The following HS6ST3 variants were observed in gnomAD, a reference collection of about 807,000 sequenced individuals.
HS6ST3 encodes the protein heparan sulfate 6-O-sulfotransferase 3.
Under a neutral mutation model 36.7 loss-of-function variants are expected in HS6ST3, and 12 were observed. The ratio of observed to expected loss-of-function variants is 0.33; its 90% CI spans 0.21 to 0.53. The LOEUF (loss-of-function observed/expected upper bound fraction) is 0.53, where lower values mean the gene tolerates loss of function less well. Among genes scored for constraint, HS6ST3 ranks in the 20% least tolerant of loss-of-function variants. HS6ST3 has a pLI of 0.95. For missense variants in HS6ST3, 584 were observed against 640.9 expected (o/e 0.91, Z 0.96); for synonymous variants, 240 against 257.5 (o/e 0.93, Z 0.65).
chr13:96,664,508 A>G (rs1044600689), intron 1 of HS6ST3, among the ~76,000 whole-genome samples: 53 of 152,132 alleles, frequency 3.5e-4, no homozygotes, highest in African/African-American at 1.3e-3. Context: ...CTGAATATTA[A>G]TGCTTCCTGG....
intron 1 of HS6ST3, among the ~76,000 whole-genome samples, chr13:96,655,586 A>T (rs925955165): frequency 6.6e-6 from 1 of 152,070 alleles, no homozygotes; most frequent in African/African-American, 2.4e-5. Flanking sequence ...GAAGCCTCTG[A>T]TATATCTATA....
At chr13:96,757,149 A>G (rs2138496964) in intron 1 of HS6ST3, among the ~76,000 whole-genome samples, 1 of 152,350 alleles carries the variant, frequency 6.6e-6, no homozygotes, top group Middle Eastern at 3.4e-3. Context: ...AGCAATGAAA[A>G]GAAACACTCC....
chr13:96,342,492 C>T (rs181915869), intron 1 of HS6ST3, among the ~76,000 whole-genome samples: 22 of 152,250 alleles, frequency 1.4e-4, no homozygotes, highest in Non-Finnish European at 2.6e-4. Context: ...AACATTCTGT[C>T]GCACATTTGT....
chr13:96,814,783 G>A (rs1357867877), intron 1 of HS6ST3, among the ~76,000 whole-genome samples: 2 of 151,854 alleles, frequency 1.3e-5, no homozygotes, highest in African/African-American at 4.8e-5. Context: ...TTTCAGGCTT[G>A]TCATATATGA....
At position 96,148,328 on chromosome 13, in the gene HS6ST3, A is replaced by T. The variant is rs768014432; in HGVS notation, c.707+56759A>T. ...CATATTGGACAAAGCTATATATTCA[A>T]TGAGAGATTAAATATATCTCACAGT... On this transcript the variant is annotated intron_variant, in intron 1 of 1. Transcript: ENST00000376705. Among the ~76,000 whole-genome samples, 4 of 152,210 alleles carry T rather than the reference A, an allele frequency of 2.6e-5. No homozygotes were observed. The South Asian group carries it at 8.3e-4, about 32-fold the overall frequency.
intron 1 of HS6ST3, among the ~76,000 whole-genome samples, chr13:96,679,101 G>A (rs563415153): frequency 4.0e-5 from 6 of 148,362 alleles, no homozygotes; most frequent in East Asian, 3.9e-4. Flanking sequence ...TGTTCACTGC[G>A]TCACCACACC....
chr13:96,710,326 A>G (rs954155601), intron 1 of HS6ST3, among the ~76,000 whole-genome samples: 3 of 152,218 alleles, frequency 2.0e-5, no homozygotes, highest in African/African-American at 7.2e-5. Context: ...TGGGGGCCTG[A>G]CTCAGCAGAG....
intron 1 of HS6ST3, among the ~76,000 whole-genome samples, chr13:96,558,906 T>A (rs138291635): frequency 1.3e-5 from 2 of 152,308 alleles, no homozygotes; most frequent in Admixed American, 1.3e-4. Context: ...AATTAACTGT[T>A]GGGCAAGATT....
chr13:96,254,515 A>G (rs2054627601), intron 1 of HS6ST3, among the ~76,000 whole-genome samples: 1 of 111,356 alleles, frequency 9.0e-6, no homozygotes. Context: ...ACATACACAC[A>G]CACACTTTTT....
chr13:96,777,013 C>T (rs1489893715), intron 1 of HS6ST3, among the ~76,000 whole-genome samples: 1 of 152,200 alleles, frequency 6.6e-6, no homozygotes, highest in East Asian at 1.9e-4. Context: ...TGGCTTCATC[C>T]CTGGGATGCA....
At chr13:96,435,978 A>G (rs2055639724) in intron 1 of HS6ST3, among the ~76,000 whole-genome samples, 1 of 152,138 alleles carries the variant, frequency 6.6e-6, no homozygotes, top group African/African-American at 2.4e-5. Flanking sequence ...GGCTTTATTT[A>G]TCTGAACTCT....
chr13:96,799,966 GTATATATATATATATGTA>G (rs1878012460), intron 1 of HS6ST3, among the ~76,000 whole-genome samples: 1 of 60,680 alleles, frequency 1.6e-5, no homozygotes, highest in Admixed American at 1.6e-4. Flanking sequence ...ATATATATGT[GTATATATATATATATGTA>G]TATATATATA....
chr13:96,251,497 G>T (rs2054607740), intron 1 of HS6ST3, among the ~76,000 whole-genome samples: 1 of 151,722 alleles, frequency 6.6e-6, no homozygotes. Flanking sequence ...TCTAGCTAAA[G>T]GTTTATTGAT....
At chr13:96,671,393 A>C (rs768263489) in intron 1 of HS6ST3, among the ~76,000 whole-genome samples, 1 of 152,152 alleles carries the variant, frequency 6.6e-6, no homozygotes, top group Non-Finnish European at 1.5e-5. Context: ...GTTATGCCCA[A>C]CTAACTACAA....
chr13:96,726,030 G>A (rs1309488239), intron 1 of HS6ST3, among the ~76,000 whole-genome samples: 1 of 152,018 alleles, frequency 6.6e-6, no homozygotes, highest in African/African-American at 2.4e-5. Flanking sequence ...TAGAGACCGG[G>A]TTTCGCCATC....
chr13:96,598,902 A>T (rs1452086632), intron 1 of HS6ST3, among the ~76,000 whole-genome samples: 1 of 152,020 alleles, frequency 6.6e-6, no homozygotes, highest in Admixed American at 6.6e-5. Context: ...GATTTTATCA[A>T]TATTTTTCTT....
At chr13:96,416,604 A>G (rs1328306875) in intron 1 of HS6ST3, among the ~76,000 whole-genome samples, 11 of 152,096 alleles carry the variant, frequency 7.2e-5, no homozygotes, top group Admixed American at 7.2e-4. Context: ...GGAGAACATA[A>G]AGGTATTAGG....
At chr13:96,323,291 A>G (rs2055013856) in intron 1 of HS6ST3, among the ~76,000 whole-genome samples, 1 of 152,226 alleles carries the variant, frequency 6.6e-6, no homozygotes, top group Non-Finnish European at 1.5e-5. Context: ...CTTAGTAAAT[A>G]GAAACTATCC....
rs1411299991 is a variant in HS6ST3 at position 96,836,425 on chromosome 13, A to G, written c.*3227A>G. On this transcript the variant is annotated 3_prime_UTR_variant, in exon 2 of 2. Coordinates refer to ENST00000376705, the MANE Select transcript of HS6ST3 (RefSeq NM_153456.4). Reference sequence around the variant, plus strand: ...TAGGCAGCCTACTCTTGGAAACTGGAGGAAACTGCCCTGAGAATTATTAGA... The same window carrying G: ...TAGGCAGCCTACTCTTGGAAACTGGGGGAAACTGCCCTGAGAATTATTAGA... 6.6e-6 allele frequency: 1 copy of G among 152,200 alleles called. No homozygotes were observed. The highest frequency in any genetic ancestry group is 1.5e-5 in the Non-Finnish European group (1 of 68,046). 9.4% of individuals were successfully genotyped at this position (152,200 alleles called of 1,614,324 possible). A position where few individuals can be genotyped will look rare whatever the true frequency, so the allele number is the denominator to read the frequency against.
Sources: gnomAD v4.1 joint callset for allele counts (sites outside exome capture counted in the v4.1 genomes callset) on GRCh38, gnomAD v4.1.1 for gene constraint, MANE v1.5 for transcripts, NCBI Gene and HGNC (gene_info 2026-07-23, HGNC 2026-07-21) for gene names.